Variants in NFIB observed in about 807,000 individuals in gnomAD.
NFIB encodes nuclear factor 1 B-type.
NFIB carries 11 observed loss-of-function variants against 61.5 expected under a neutral mutation model. The ratio of observed to expected loss-of-function variants is 0.18; its 90% CI spans 0.11 to 0.30. The LOEUF (loss-of-function observed/expected upper bound fraction) is 0.30, where lower values mean the gene tolerates loss of function less well. Ranked by LOEUF, NFIB falls within the 10% of genes least tolerant of loss-of-function variation. NFIB has a pLI of 1.00. For synonymous variants in NFIB, 260 were observed against 216.5 expected (o/e 1.20, Z -1.76); for missense variants, 471 against 608.9 (o/e 0.77, Z 2.38).
chr9:14,182,683 C>CCT (rs144528136), intron 2 of NFIB, among the ~76,000 whole-genome samples: 6,138 of 40,372 alleles, frequency 0.15, 730 homozygotes, highest in East Asian at 0.26. Flanking sequence ...ACACCCCCCA[C>CCT]CTCTCTCTCT....
chr9:14,130,191 G>A (rs934620790), intron 6 of NFIB, among the ~76,000 whole-genome samples: 2 of 152,052 alleles, frequency 1.3e-5, no homozygotes, highest in African/African-American at 2.4e-5. Context: ...AGCTGGCATC[G>A]TATCCTTCAA....
chr9:14,311,901 G>C (rs1177691507), intron 1 of NFIB, among the ~76,000 whole-genome samples: 2 of 152,168 alleles, frequency 1.3e-5, no homozygotes, highest in Non-Finnish European at 2.9e-5. Flanking sequence ...ATCAGAAAGA[G>C]AAAAATATAT....
At chr9:14,230,217 A>C (rs1370189812) in intron 2 of NFIB, among the ~76,000 whole-genome samples, 1 of 152,228 alleles carries the variant, frequency 6.6e-6, no homozygotes, top group Non-Finnish European at 1.5e-5. Context: ...AAAGCCATTC[A>C]TTTATTAATT....
At chr9:14,418,615 T>G in the NFIB span, among the ~76,000 whole-genome samples, 17 of 152,328 alleles carry the variant, frequency 1.1e-4, no homozygotes, top group East Asian at 7.7e-4. Context: ...CTCTACATAC[T>G]GGACTTGAAT....
chr9:14,449,980 A>T, the NFIB span, among the ~76,000 whole-genome samples: 1 of 151,974 alleles, frequency 6.6e-6, no homozygotes, highest in Non-Finnish European at 1.5e-5. Flanking sequence ...TTTAAAAAAA[A>T]TTATTATACT....
chr9:14,233,309 G>A (rs1397828144), intron 2 of NFIB, among the ~76,000 whole-genome samples: 2 of 151,784 alleles, frequency 1.3e-5, no homozygotes, highest in African/African-American at 4.8e-5. Context: ...CAGATGTGAA[G>A]GAATTTCTCA....
At chr9:14,130,125 T>A (rs1478111850) in intron 6 of NFIB, among the ~76,000 whole-genome samples, 2 of 152,132 alleles carry the variant, frequency 1.3e-5, no homozygotes, top group East Asian at 3.9e-4. Flanking sequence ...GAACCAAAAA[T>A]TTTCTTCCTA....
intron 2 of NFIB, among the ~76,000 whole-genome samples, chr9:14,192,828 G>C (rs73413817): frequency 0.015 from 2,276 of 152,104 alleles, 60 homozygotes; most frequent in African/African-American, 0.052. Flanking sequence ...AACTGGCCTT[G>C]CCCATGAAAT....
chr9:14,239,259 A>G (rs1279583343), intron 2 of NFIB, among the ~76,000 whole-genome samples: 2 of 152,232 alleles, frequency 1.3e-5, no homozygotes, highest in Non-Finnish European at 2.9e-5. Context: ...GTCACAAAGA[A>G]AATAACACAT....
At chr9:14,186,066 G>A (rs1027119782) in intron 2 of NFIB, among the ~76,000 whole-genome samples, 1 of 152,158 alleles carries the variant, frequency 6.6e-6, no homozygotes, top group Admixed American at 6.5e-5. Context: ...ATGGCTTGAG[G>A]ATCAACAGAA....
chr9:14,292,341 A>G (rs2059158968), intron 2 of NFIB, among the ~76,000 whole-genome samples: 1 of 152,220 alleles, frequency 6.6e-6, no homozygotes, highest in Non-Finnish European at 1.5e-5. Flanking sequence ...GCTTTTATCT[A>G]CATTGAACCA....
the NFIB span, among the ~76,000 whole-genome samples, chr9:14,473,281 T>C: frequency 6.6e-6 from 1 of 152,200 alleles, no homozygotes; most frequent in Non-Finnish European, 1.5e-5. Flanking sequence ...GGGATACAAT[T>C]TTTGACCTGG....
At chr9:14,116,429 T>G in intron 8 of NFIB, 83 bp from the exon 9 acceptor site, 1 of 1,357,278 alleles carries the variant, frequency 7.4e-7, no homozygotes, top group Non-Finnish European at 9.6e-7. Flanking sequence ...CACACACGAC[T>G]GTGTGGATCC....
chr9:14,260,624 C>T (rs571636203), intron 2 of NFIB, among the ~76,000 whole-genome samples: 10 of 152,142 alleles, frequency 6.6e-5, no homozygotes, highest in Non-Finnish European at 1.5e-4. Flanking sequence ...CAGATATATG[C>T]ACAGCTAAGG....
In NFIB at chr9:14,116,026, T is replaced by C. The variant is rs201688953; in HGVS notation, c.1384+182A>G. Reference sequence around the variant, plus strand: ...CTGGAATTTGAGAAGAGAGAGCCTGTGATAGCAGGGCCACATCCATGCCTG... The same window carrying C: ...CTGGAATTTGAGAAGAGAGAGCCTGCGATAGCAGGGCCACATCCATGCCTG... On this transcript the variant is annotated intron_variant, in intron 9 of 10. Transcript: ENST00000380953. Among the ~76,000 whole-genome samples the C allele has an allele frequency of 2.0e-5, 3 of 152,240 alleles. No individual in the cohort carries two copies. The East Asian group carries it at 5.8e-4, about 29-fold the overall frequency.
the NFIB span, among the ~76,000 whole-genome samples, chr9:14,524,679 A>G: frequency 6.6e-6 from 1 of 152,182 alleles, no homozygotes; most frequent in African/African-American, 2.4e-5. Context: ...CTAGCAGTGC[A>G]TTGTTATCTG....
the NFIB span, among the ~76,000 whole-genome samples, chr9:14,449,827 C>A: frequency 6.6e-6 from 1 of 151,790 alleles, no homozygotes; most frequent in East Asian, 1.9e-4. Flanking sequence ...CCAACTACTC[C>A]GGAGGCTGAG....
At chr9:14,437,814 G>A in the NFIB span, among the ~76,000 whole-genome samples, 1 of 152,202 alleles carries the variant, frequency 6.6e-6, no homozygotes, top group South Asian at 2.1e-4. Context: ...CTCGCTGGGG[G>A]TAGGGAAATG....
chr9:14,285,072 A>T (rs957277835), intron 2 of NFIB, among the ~76,000 whole-genome samples: 1 of 152,244 alleles, frequency 6.6e-6, no homozygotes, highest in Non-Finnish European at 1.5e-5. Flanking sequence ...TATCAAAATT[A>T]ATAAAACTGA....
Sources: allele counts gnomAD v4.1 joint callset (sites outside exome capture counted in the v4.1 genomes callset), GRCh38; gene constraint gnomAD v4.1.1; transcripts MANE v1.5; gene names NCBI Gene and HGNC (gene_info 2026-07-23, HGNC 2026-07-21).